Variants in CDH23 observed in about 807,000 individuals in gnomAD.
CDH23 encodes the protein cadherin-23.
Under a neutral mutation model 317.1 loss-of-function variants are expected in CDH23, and 189 were observed. That is an observed-to-expected ratio of 0.60 (90% CI 0.53 to 0.67). The LOEUF is 0.67. CDH23 is among the 30% of genes least tolerant of loss of function. CDH23 has a pLI of 0.00. For missense variants in CDH23, 4,401 were observed against 4,592.4 expected (o/e 0.96, Z 1.20); for synonymous variants, 1,839 against 1,876.8 (o/e 0.98, Z 0.52).
At chr10:71,542,365 C>T (rs1444061122) in intron 6 of CDH23, among the ~76,000 whole-genome samples, 1 of 152,154 alleles carries the variant, frequency 6.6e-6, no homozygotes, top group Non-Finnish European at 1.5e-5. Flanking sequence ...AAAAGAATCC[C>T]TAGGATCGTC....
intron 9 of CDH23, among the ~76,000 whole-genome samples, chr10:71,608,439 G>A (rs1201404088): frequency 6.6e-6 from 1 of 152,148 alleles, no homozygotes; most frequent in Admixed American, 6.5e-5. Context: ...CTTAGGCCCA[G>A]CTCCTAAGAT....
Position 71,422,239 on chromosome 10 carries a change from G to A in CDH23, c.-5-17588G>A, listed in dbSNP as rs1681226589. Among the ~76,000 whole-genome samples, 5 of 152,194 alleles carry A rather than the reference G, an allele frequency of 3.3e-5. No individual in the cohort carries two copies. In the South Asian group the frequency reaches 1.0e-3, roughly 31 times the overall value. ...AAGGAACCATCATCTTGAAATCACTGGTTCTGGTGGTCCTGGCTCCAGGGA... is the reference window on the plus strand; with the variant it reads ...AAGGAACCATCATCTTGAAATCACTAGTTCTGGTGGTCCTGGCTCCAGGGA... On this transcript the variant is annotated intron_variant, in intron 1 of 69. Coordinates refer to ENST00000224721, the MANE Select transcript of CDH23 (RefSeq NM_022124.6).
At chr10:71,804,428 C>T (rs1291749858) in intron 55 of CDH23, among the ~76,000 whole-genome samples, 1 of 152,198 alleles carries the variant, frequency 6.6e-6, no homozygotes, top group Non-Finnish European at 1.5e-5. Context: ...GCCCAAAGTG[C>T]TCCGTAGTGG....
intron 48 of CDH23, among the ~76,000 whole-genome samples, chr10:71,794,246 A>C (rs113871963): frequency 6.6e-6 from 1 of 152,184 alleles, no homozygotes; most frequent in Non-Finnish European, 1.5e-5. Flanking sequence ...CAGGTGATCC[A>C]CCTGCCTCGG....
chr10:71,670,347 T>A (rs7096913), intron 14 of CDH23, among the ~76,000 whole-genome samples: 2,474 of 152,312 alleles, frequency 0.016, 72 homozygotes, highest in African/African-American at 0.057. Flanking sequence ...GCAGAGATGT[T>A]GAGCCCTGTA....
chr10:71,530,019 A>C (rs1855270229), intron 6 of CDH23, among the ~76,000 whole-genome samples: 1 of 140,590 alleles, frequency 7.1e-6, no homozygotes, highest in African/African-American at 2.8e-5. Flanking sequence ...GCATTTGCAC[A>C]CATACACACA....
rs763658833 is a variant in CDH23, at chr10:71,761,802, C to T, written c.4846-15878C>T. On this transcript the variant is annotated intron_variant, in intron 38 of 69. Transcript: ENST00000224721. ...TGGCTGGTGTTGGCAGCCTGGTGGC[C>T]TCCATGGTGCAGGTGAAGGTCCTGG... 4 of 1,614,142 alleles carry T rather than the reference C, an allele frequency of 2.5e-6. 1 individual carries two copies. Among genetic ancestry groups the T allele is most frequent in the Non-Finnish European group, 3.4e-6 (4 of 1,180,026 alleles).
intron 38 of CDH23, among the ~76,000 whole-genome samples, chr10:71,764,004 C>T (rs2132894985): frequency 6.6e-6 from 1 of 152,264 alleles, no homozygotes; most frequent in South Asian, 2.1e-4. Context: ...GTCTGGGAGC[C>T]CCAGATTTTT....
At chr10:71,716,372 G>A in intron 28 of CDH23, 11 of 1,453,968 alleles carry the variant, frequency 7.6e-6, no homozygotes, top group Non-Finnish European at 1.0e-5. Flanking sequence ...GAAGCTCAAA[G>A]GCAGATCAGC....
intron 1 of CDH23, among the ~76,000 whole-genome samples, chr10:71,417,665 A>C (rs376203976): frequency 5.9e-5 from 9 of 152,350 alleles, no homozygotes; most frequent in Admixed American, 5.9e-4. Flanking sequence ...GTTAGAGTGC[A>C]GTGGCACAAT....
chr10:71,576,381 G>A (rs1326415877), intron 8 of CDH23, among the ~76,000 whole-genome samples: 1 of 152,202 alleles, frequency 6.6e-6, no homozygotes, highest in Non-Finnish European at 1.5e-5. Context: ...GGGAGGGTGA[G>A]GTGGGGGGTG....
At chr10:71,446,183 C>A in intron 2 of CDH23, 135 bp from the exon 3 acceptor site, 1 of 816,220 alleles carries the variant, frequency 1.2e-6, no homozygotes, top group Non-Finnish European at 2.1e-6. Flanking sequence ...TAGTGACTTC[C>A]AGGGTCCTGG....
chr10:71,615,641 C>A (rs770581441), intron 10 of CDH23, 25 bp downstream of exon 10: 1 of 1,532,898 alleles, frequency 6.5e-7, no homozygotes, highest in East Asian at 2.2e-5. Context: ...GGCACCTTCA[C>A]CCCAGGTAGA....
intron 3 of CDH23, chr10:71,508,377 G>A (rs987083598): frequency 3.3e-5 from 5 of 152,300 alleles, no homozygotes; most frequent in Admixed American, 2.6e-4. Context: ...CCAAATGCCT[G>A]GGATGTGGAT....
chr10:71,806,019 A>C, intron 56 of CDH23, 22 bp downstream of exon 56: 2 of 422,368 alleles, frequency 4.7e-6, no homozygotes, highest in Non-Finnish European at 7.8e-6. Flanking sequence ...GCCCGGTGCG[A>C]GGGGCGGGGT....
At chr10:71,778,030 G>A in intron 39 of CDH23, 129 bp downstream of exon 39, 8 of 1,419,378 alleles carry the variant, frequency 5.6e-6, no homozygotes, top group Non-Finnish European at 7.7e-6. Flanking sequence ...CACTCAGTGT[G>A]GGAGGATGAA....
Position 71,460,249 on chromosome 10 carries a change from C to G in CDH23, c.145+13854C>G, listed in dbSNP as rs551751879. Among the ~76,000 whole-genome samples, 97 of 152,350 alleles carry G rather than the reference C, an allele frequency of 6.4e-4. No individual in the cohort carries two copies. In the Middle Eastern group the frequency reaches 0.01, roughly 16 times the overall value. On this transcript the variant is annotated intron_variant, in intron 3 of 69. Coordinates refer to ENST00000224721, the MANE Select transcript of CDH23 (RefSeq NM_022124.6). ...CCCAGGGGCTGGTACAGGGTCCCCA[C>G]CTACCATCTTCCTTACTTGCCTTCA...
Position 71,738,579 on chromosome 10 carries a change from G to T in CDH23, c.4291G>T (p.Asp1431Tyr). 6.2e-7 allele frequency: 1 copy of T among 1,613,912 alleles called. No homozygotes were observed. Among genetic ancestry groups the T allele is most frequent in the Non-Finnish European group, 8.5e-7 (1 of 1,179,902 alleles). ...CGACTCGGCGGTCAGCATACCCGAGGACTGCCCTGTGGGCCAGCGAGTGGC... is the reference window on the plus strand; with the variant it reads ...CGACTCGGCGGTCAGCATACCCGAGTACTGCCCTGTGGGCCAGCGAGTGGC... ...TSDSAVSIPE[D>Y]CPVGQRVATV... The change falls in exon 35 of 70, where the codon GAC (aspartate) becomes TAC (tyrosine). Residue 1431 changes from aspartate to tyrosine, a missense_variant. Physicochemically the swap from Asp to Tyr is radical, Grantham distance 160. Around this residue, in one of 3 missense-constraint regions of CDH23, gnomAD observed 3,068 missense variants for 3,203.3 expected, o/e 0.96. Transcript: ENST00000224721.
At chr10:71,702,456 T>C in intron 23 of CDH23, 93 bp from the exon 24 acceptor site, 1 of 1,510,158 alleles carries the variant, frequency 6.6e-7, no homozygotes, top group Non-Finnish European at 9.1e-7. Flanking sequence ...GCTCTGAATC[T>C]GCCACCCTCT....
Sources: gnomAD v4.1 joint callset for allele counts (sites outside exome capture counted in the v4.1 genomes callset) on GRCh38, gnomAD v4.1.1 for gene constraint, gnomAD v4.1.1 regional missense constraint, MANE v1.5 for transcripts, NCBI Gene and HGNC (gene_info 2026-07-23, HGNC 2026-07-21) for gene names.